MAPT: variants seen among roughly 807,000 people sequenced by gnomAD.
The protein encoded by MAPT is microtubule-associated protein tau.
A neutral mutation model predicts 67.9 loss-of-function variants in MAPT; 34 were observed. That is an observed-to-expected ratio of 0.50 (90% confidence interval 0.38 to 0.67). The LOEUF (loss-of-function observed/expected upper bound fraction) is 0.67. Ranked by LOEUF, MAPT falls within the 30% of genes least tolerant of loss-of-function variation. The pLI is 0.00. For missense variants in MAPT, 881 were observed against 1,115.2 expected (o/e 0.79, Z 2.99); for synonymous variants, 456 against 464.5 (o/e 0.98, Z 0.23).
At chr17:45,926,667 A>T (rs2066321846) in intron 1 of MAPT, among the ~76,000 whole-genome samples, 1 of 152,172 alleles carries the variant, frequency 6.6e-6, no homozygotes, top group South Asian at 2.1e-4. Context: ...AGAAATTCAC[A>T]TATGGACTTA....
Position 45,962,044 on chromosome 17 carries a change from A to G in MAPT, c.-17-277A>G, listed in dbSNP as rs111520035. Among the ~76,000 whole-genome samples, 21,806 of 152,102 alleles carry G rather than the reference A, an allele frequency of 0.14. 2,132 individuals are homozygous for G. Among genetic ancestry groups the G allele is most frequent in the Non-Finnish European group, 0.22 (14,752 of 67,960 alleles). ...CCCACCTCGGCCTCCCAAAGTGCTGAGATCACAGGCGTGAGCCACCATGCC... is the reference window on the plus strand; with the variant it reads ...CCCACCTCGGCCTCCCAAAGTGCTGGGATCACAGGCGTGAGCCACCATGCC... On this transcript the variant is annotated intron_variant, in intron 1 of 12. Transcript: ENST00000262410.
At chr17:45,901,075 C>T (rs916000136) in intron 1 of MAPT, among the ~76,000 whole-genome samples, 1 of 152,166 alleles carries the variant, frequency 6.6e-6, no homozygotes, top group African/African-American at 2.4e-5. Context: ...AACTACCCAG[C>T]TCCCCTGCAC....
intron 1 of MAPT, among the ~76,000 whole-genome samples, chr17:45,954,324 A>C (rs993894198): frequency 2.6e-5 from 4 of 152,218 alleles, no homozygotes; most frequent in Admixed American, 1.3e-4. Flanking sequence ...AATATTTACT[A>C]TCTGGCCCTT....
chr17:45,992,022 G>A (rs182953347), intron 8 of MAPT, among the ~76,000 whole-genome samples: 1 of 152,148 alleles, frequency 6.6e-6, no homozygotes, highest in East Asian at 1.9e-4. Context: ...CTGACCTCAG[G>A]TGATCCACCT....
At position 46,025,648 on chromosome 17, in the gene MAPT, T is replaced by A. The variant is rs1381772282; in HGVS notation, c.*1477T>A. 1 of 152,470 alleles carries A rather than the reference T, an allele frequency of 6.6e-6. No individual in the cohort carries two copies. The highest frequency in any genetic ancestry group is 1.5e-5 in the Non-Finnish European group (1 of 68,140). The allele number at this position is 152,470 out of a possible 1,614,324, so 9.4% of individuals were successfully genotyped here. Reference sequence around the variant, plus strand: ...GCTCAGCTGTGACCCTAGGTGTTTCTGCCTTGTTGACATGGAGAGAGCCCT... The same window carrying A: ...GCTCAGCTGTGACCCTAGGTGTTTCAGCCTTGTTGACATGGAGAGAGCCCT... On this transcript the variant is annotated 3_prime_UTR_variant, in exon 13 of 13. Coordinates refer to ENST00000262410, the MANE Select transcript of MAPT (RefSeq NM_001377265.1).
chr17:46,017,848 A>C (rs2076284366), intron 11 of MAPT, among the ~76,000 whole-genome samples: 1 of 150,758 alleles, frequency 6.6e-6, no homozygotes, highest in Admixed American at 6.6e-5. Flanking sequence ...TGATATAGAA[A>C]AGACTTCACT....
chr17:46,012,006 G>A (rs932927428), intron 10 of MAPT, among the ~76,000 whole-genome samples: 1 of 152,174 alleles, frequency 6.6e-6, no homozygotes, highest in Non-Finnish European at 1.5e-5. Flanking sequence ...TCTGCTGTGA[G>A]GGGACAGAAG....
intron 1 of MAPT, among the ~76,000 whole-genome samples, chr17:45,899,381 TC>T (rs2063477473): frequency 6.6e-6 from 1 of 152,168 alleles, no homozygotes; most frequent in African/African-American, 2.4e-5. Context: ...TCATTGAGTG[TC>T]TTTTAGGAGG....
chr17:45,974,314 C>A, intron 3 of MAPT: 1 of 1,130,004 alleles, frequency 8.8e-7, no homozygotes, highest in Non-Finnish European at 1.3e-6. Context: ...TGCTCCTGCG[C>A]AAGAAGCAAA....
rs2076795977 is a variant in MAPT at position 46,026,092 on chromosome 17, A to G, written c.*1921A>G. The G allele has an allele frequency of 6.6e-6, 1 of 151,874 alleles. No homozygotes were observed. Among genetic ancestry groups the G allele is most frequent in the Admixed American group, 6.6e-5 (1 of 15,240 alleles). 9.4% of individuals were successfully genotyped at this position (151,874 alleles called of 1,614,324 possible). A position where few individuals can be genotyped will look rare whatever the true frequency, so the allele number is the denominator to read the frequency against. On this transcript the variant is annotated 3_prime_UTR_variant, in exon 13 of 13. Coordinates refer to ENST00000262410, the MANE Select transcript of MAPT (RefSeq NM_001377265.1). ...GAGTGACTATGATAGTGAAAAGAAA[A>G]AAAAAAAAAAAAAAGGACGCATGTA...
At chr17:45,909,097 C>T (rs1391243808) in intron 1 of MAPT, among the ~76,000 whole-genome samples, 1 of 152,220 alleles carries the variant, frequency 6.6e-6, no homozygotes, top group Non-Finnish European at 1.5e-5. Context: ...CCTTGGCACA[C>T]AGCCCTGAGT....
chr17:45,922,742 T>A (rs2065876531), intron 1 of MAPT, among the ~76,000 whole-genome samples: 1 of 152,174 alleles, frequency 6.6e-6, no homozygotes, highest in Admixed American at 6.5e-5. Context: ...ATGTTGGGAC[T>A]GGATCCCCTC....
intron 1 of MAPT, among the ~76,000 whole-genome samples, chr17:45,949,256 C>G (rs527988564): frequency 3.3e-5 from 5 of 152,344 alleles, no homozygotes; most frequent in Non-Finnish European, 7.4e-5. Flanking sequence ...TAGCGAGGGC[C>G]GCAGCGCAGC....
rs1040645253 is a variant in MAPT, at chr17:46,024,234, A to G, written c.*63A>G. On this transcript the variant is annotated 3_prime_UTR_variant, in exon 13 of 13. Transcript: ENST00000262410. Reference sequence around the variant, plus strand: ...AGAATGAGAGAGTGTGGAAAAAAAAAGAATAATGACCCGGCCCCCGCCCTC... The same window carrying G: ...AGAATGAGAGAGTGTGGAAAAAAAAGGAATAATGACCCGGCCCCCGCCCTC... 2.1e-5 allele frequency: 31 copies of G among 1,474,298 alleles called. 1 individual carries two copies. The highest frequency in any genetic ancestry group is 2.0e-4 in the Middle Eastern group (1 of 4,960). The allele number at this position is 1,474,298 out of a possible 1,614,324, so 91.3% of individuals were successfully genotyped here.
intron 4 of MAPT, chr17:45,978,870 G>A (rs947385792): frequency 1.2e-5 from 2 of 164,956 alleles, no homozygotes; most frequent in East Asian, 1.7e-4. Context: ...GGGTGTGGTG[G>A]TAGGTGCCTA....
intron 1 of MAPT, among the ~76,000 whole-genome samples, chr17:45,908,762 G>A (rs187749853): frequency 6.6e-6 from 1 of 152,146 alleles, no homozygotes; most frequent in Non-Finnish European, 1.5e-5. Context: ...CTAAAAGCAA[G>A]AGTCATTTCT....
At chr17:46,012,508 C>T (rs2075885550) in intron 10 of MAPT, among the ~76,000 whole-genome samples, 1 of 152,118 alleles carries the variant, frequency 6.6e-6, no homozygotes, top group African/African-American at 2.4e-5. Context: ...GATGCCAGCC[C>T]CTGGCATCTG....
Position 45,983,166 on chromosome 17 carries a change from A to C in MAPT, c.587A>C (p.Tyr196Ser), listed in dbSNP as rs1568277052. ...PAFPKPATTA[Y>S]LHTEPESGKV... Reference sequence around the variant, plus strand: ...TTTCCGAAGCCCGCCACCACTGCGTATCTCCACACAGAGCCTGAAAGTGGT... The same window carrying C: ...TTTCCGAAGCCCGCCACCACTGCGTCTCTCCACACAGAGCCTGAAAGTGGT... The change falls in exon 5 of 13, where the codon TAT becomes TCT. Residue 196 changes from tyrosine (Y) to serine (S), a missense_variant. Transcript: ENST00000262410. 11 of 1,606,260 alleles carry C rather than the reference A, an allele frequency of 6.8e-6. No individual in the cohort carries two copies. The highest frequency in any genetic ancestry group is 9.3e-6 in the Non-Finnish European group (11 of 1,176,618).
chr17:45,931,367 T>C (rs1405756079), intron 1 of MAPT, among the ~76,000 whole-genome samples: 2 of 152,212 alleles, frequency 1.3e-5, no homozygotes, highest in East Asian at 1.9e-4. Flanking sequence ...TCTGTACATA[T>C]AATTGCACCA....
Sources: allele counts gnomAD v4.1 joint callset (sites outside exome capture counted in the v4.1 genomes callset), GRCh38; gene constraint gnomAD v4.1.1; transcripts MANE v1.5; gene names NCBI Gene and HGNC (gene_info 2026-07-23, HGNC 2026-07-21).